Variants in NAV3 observed in about 807,000 individuals in gnomAD.
NAV3 encodes the protein neuron navigator 3, also known as pore membrane and/or filament interacting like protein 1.
A neutral mutation model predicts 244.7 loss-of-function variants in NAV3; 87 were observed. The observed-to-expected ratio is 0.36, with a 90% CI of 0.30 to 0.42. The LOEUF is 0.42. Among genes scored for constraint, NAV3 ranks in the 20% least tolerant of loss-of-function variants. The pLI is 1.00. For missense variants in NAV3, 2,663 were observed against 2,893.3 expected, an observed-to-expected ratio of 0.92 and a Z score of 1.83; for synonymous variants, 1,126 against 1,042.2, an observed-to-expected ratio of 1.08 and a Z score of -1.55.
At chr12:77,843,071 C>T (rs1875966895) in intron 1 of NAV3, among the ~76,000 whole-genome samples, 1 of 152,038 alleles carries the variant, frequency 6.6e-6, no homozygotes. Flanking sequence ...TTTGCCAGAA[C>T]TTTTTATGTT....
At chr12:77,641,321 G>A (rs777859447) in intron 2 of NAV3, among the ~76,000 whole-genome samples, 8 of 152,074 alleles carry the variant, frequency 5.3e-5, no homozygotes, top group African/African-American at 9.6e-5. Context: ...CCCCAAAGCC[G>A]AGTTGGGATG....
Position 78,164,567 on chromosome 12 carries a change from T to C in NAV3, c.4870-4188T>C, listed in dbSNP as rs1957700966. ...AAAATATATTGCTGGAGTCAGATGA[T>C]GCATCCATTAATCTTTGGGGCATAG... On this transcript the variant is annotated intron_variant, in intron 23 of 39. Transcript: ENST00000397909. Among the ~76,000 whole-genome samples the C allele has an allele frequency of 3.3e-5, 5 of 152,232 alleles. No individual in the cohort carries two copies. In the South Asian group the frequency reaches 1.0e-3, roughly 32 times the overall value.
At chr12:77,978,150 G>T (rs1868859418) in intron 5 of NAV3, among the ~76,000 whole-genome samples, 1 of 152,064 alleles carries the variant, frequency 6.6e-6, no homozygotes, top group Admixed American at 6.6e-5. Flanking sequence ...AGAACTGTGA[G>T]AATATAAATA....
rs1207688820 is a variant in NAV3, at chr12:78,074,705, AAAAC to A, written c.2636+15602_2636+15605del. ...GGTGACAAGAGCAAAACTCTGTCTC[AAAAC>A]AAACAAACAAATGAAGATATGAAGA... On this transcript the variant is annotated intron_variant, in intron 12 of 39. Transcript: ENST00000397909. Among the ~76,000 whole-genome samples the A allele has an allele frequency of 2.0e-5, 3 of 152,194 alleles. No individual in the cohort carries two copies. The East Asian group carries it at 5.8e-4, about 29-fold the overall frequency.
chr12:77,658,564 C>T (rs1453922379), intron 2 of NAV3, among the ~76,000 whole-genome samples: 1 of 151,982 alleles, frequency 6.6e-6, no homozygotes, highest in South Asian at 2.1e-4. Context: ...ATGCCATCCC[C>T]ATCAAGCTAC....
At chr12:77,784,425 A>G (rs1278187499) in intron 2 of NAV3, among the ~76,000 whole-genome samples, 1 of 152,234 alleles carries the variant, frequency 6.6e-6, no homozygotes, top group Non-Finnish European at 1.5e-5. Context: ...AAAGAAGGCA[A>G]CCAAAAGCCA....
intron 1 of NAV3, among the ~76,000 whole-genome samples, chr12:77,902,092 A>G (rs1355359333): frequency 1.3e-5 from 2 of 152,222 alleles, no homozygotes; most frequent in South Asian, 2.1e-4. Flanking sequence ...AATTTTAATT[A>G]TAATATGTTG....
chr12:78,028,686 A>G (rs1403911935), intron 9 of NAV3, among the ~76,000 whole-genome samples: 1 of 152,220 alleles, frequency 6.6e-6, no homozygotes, highest in Non-Finnish European at 1.5e-5. Context: ...TTGGATCACC[A>G]GGGACATATT....
At chr12:77,824,154 A>G (rs1592714548) in intron 2 of NAV3, among the ~76,000 whole-genome samples, 1 of 151,724 alleles carries the variant, frequency 6.6e-6, no homozygotes, top group East Asian at 1.9e-4. Context: ...GCTGACTGCA[A>G]CCTCCGCCTC....
At chr12:77,958,006 A>G (rs1891533904) in intron 3 of NAV3, among the ~76,000 whole-genome samples, 2 of 152,170 alleles carry the variant, frequency 1.3e-5, no homozygotes, top group Non-Finnish European at 2.9e-5. Flanking sequence ...TTGATATGTC[A>G]AGAACACGTG....
At chr12:77,711,508 G>T (rs938398174) in intron 2 of NAV3, among the ~76,000 whole-genome samples, 2 of 152,208 alleles carry the variant, frequency 1.3e-5, no homozygotes, top group Non-Finnish European at 2.9e-5. Flanking sequence ...ACTTTGCACT[G>T]GTCTCAAAAT....
At chr12:77,787,147 C>A (rs1462218181) in intron 2 of NAV3, among the ~76,000 whole-genome samples, 1 of 151,984 alleles carries the variant, frequency 6.6e-6, no homozygotes, top group Non-Finnish European at 1.5e-5. Flanking sequence ...AGACCAGCAG[C>A]TATTGCTTAG....
chr12:77,928,096 G>A lies in NAV3; in HGVS notation c.244-12223G>A, dbSNP rs560730158. On this transcript the variant is annotated intron_variant, in intron 1 of 39. Transcript: ENST00000397909. Reference sequence around the variant, plus strand: ...AAATTAGCCAGACGTGGTGGTGTGCGCCTGTAATCCCAGCTACTCGGGAGA... The same window carrying A: ...AAATTAGCCAGACGTGGTGGTGTGCACCTGTAATCCCAGCTACTCGGGAGA... Among the ~76,000 whole-genome samples, 6 of 151,748 alleles carry A rather than the reference G, an allele frequency of 4.0e-5. No individual in the cohort carries two copies. The South Asian group carries it at 8.3e-4, about 21-fold the overall frequency.
chr12:77,735,987 G>A (rs1877318055), intron 2 of NAV3, among the ~76,000 whole-genome samples: 1 of 152,138 alleles, frequency 6.6e-6, no homozygotes, highest in African/African-American at 2.4e-5. Flanking sequence ...GTTCTAAACT[G>A]CATTTATCAA....
rs149480621 is a variant in NAV3 at position 77,759,983 on chromosome 12, C to CGTAA, written c.73-180334_73-180333insAAGT. Among the ~76,000 whole-genome samples, 1,507 of 152,234 alleles carry CGTAA rather than the reference C, an allele frequency of 9.9e-3. 30 individuals are homozygous for CGTAA. Among genetic ancestry groups the CGTAA allele is most frequent in the African/African-American group, 0.035 (1,443 of 41,530 alleles). Reference sequence around the variant, plus strand: ...AAAGTAGCCTCTTTGTATATTAATACGTGTTTTCTTTCTAGGATCAGTTAT... The same window carrying CGTAA: ...AAAGTAGCCTCTTTGTATATTAATACGTAAGTGTTTTCTTTCTAGGATCAGTTAT... On this transcript the variant is annotated intron_variant, in intron 2 of 8. Coordinates refer to the NAV3 transcript ENST00000550042.
chr12:77,911,422 T>C (rs1383964057), intron 1 of NAV3, among the ~76,000 whole-genome samples: 1 of 152,150 alleles, frequency 6.6e-6, no homozygotes, highest in Non-Finnish European at 1.5e-5. Context: ...GTTTTCAATC[T>C]CAATCTTATG....
At chr12:77,743,169 C>T (rs1033599516) in intron 2 of NAV3, among the ~76,000 whole-genome samples, 2 of 151,862 alleles carry the variant, frequency 1.3e-5, no homozygotes, top group South Asian at 2.1e-4. Flanking sequence ...TTTTCCCTTC[C>T]TTGTGATTTA....
chr12:78,195,556 A>G (rs118114497), intron 34 of NAV3, among the ~76,000 whole-genome samples: 3,133 of 152,094 alleles, frequency 0.021, 51 homozygotes, highest in South Asian at 0.055. Context: ...GACAGAAATT[A>G]TGTTTTATCT....
chr12:77,607,474 G>T (rs17043954), intron 2 of NAV3, among the ~76,000 whole-genome samples: 3,204 of 152,160 alleles, frequency 0.021, 46 homozygotes, highest in Middle Eastern at 0.068. Context: ...TTTGCCTAGA[G>T]CTATCCCTGA....
Sources: allele counts gnomAD v4.1 joint callset (sites outside exome capture counted in the v4.1 genomes callset), GRCh38; gene constraint gnomAD v4.1.1; transcripts MANE v1.5; gene names NCBI Gene and HGNC (gene_info 2026-07-23, HGNC 2026-07-21).